The following DMTN variants were observed in gnomAD, a reference collection of about 807,000 sequenced individuals.
The protein encoded by DMTN is dematin.
Under a neutral mutation model 59.4 loss-of-function variants are expected in DMTN, and 27 were observed. That is an observed-to-expected ratio of 0.45 (90% confidence interval 0.33 to 0.63). The LOEUF (loss-of-function observed/expected upper bound fraction) is 0.63, where lower values mean the gene tolerates loss of function less well. Among genes scored for constraint, DMTN ranks in the 20% least tolerant of loss-of-function variants. The pLI is 0.02. For missense variants in DMTN, 451 were observed against 528.9 expected, an observed-to-expected ratio of 0.85 and a Z score of 1.45; for synonymous variants, 221 against 203.7, an observed-to-expected ratio of 1.08 and a Z score of -0.72.
chr8:22,058,754 A>G lies in DMTN; in HGVS notation c.-172+1618A>G, dbSNP rs1804160278. 6.6e-6 allele frequency among the ~76,000 whole-genome samples: 1 copy of G among 152,120 alleles called. No homozygotes were observed. The highest frequency in any genetic ancestry group is 1.5e-5 in the Non-Finnish European group (1 of 68,010). ...ATCCCAGCAGACACAACGGTAAAAA[A>G]CATTGGAGTAGGGGAGAGGGAGAAA... On this transcript the variant is annotated intron_variant, in intron 1 of 15. Transcript: ENST00000358242. The surrounding 1 kb of genome is among the most constrained non-coding windows in gnomAD (Gnocchi z 4.3).
chr8:22,054,514 C>G (rs897954882), upstream of DMTN, among the ~76,000 whole-genome samples: 2 of 152,152 alleles, frequency 1.3e-5, no homozygotes, highest in Non-Finnish European at 2.9e-5. Context: ...CCGGAGCAAC[C>G]CCTCTGGCCC....
rs958206420 is a variant in DMTN at position 22,060,565 on chromosome 8, G to A, written c.-172+3429G>A. On this transcript the variant is annotated intron_variant, in intron 1 of 15. Coordinates refer to ENST00000358242, the MANE Select transcript of DMTN (RefSeq NM_001387751.1). This position sits in a 1 kb window ranked among gnomAD's most constrained non-coding sequence, Gnocchi z 5.0. Reference sequence around the variant, plus strand: ...GCCTTAAGGCTAGGCCCACGTTTACGTGCAAATGCCCCACAAGGGGTAAGA... The same window carrying A: ...GCCTTAAGGCTAGGCCCACGTTTACATGCAAATGCCCCACAAGGGGTAAGA... Among the ~76,000 whole-genome samples the A allele has an allele frequency of 2.6e-5, 4 of 152,262 alleles. No individual in the cohort carries two copies. The highest frequency in any genetic ancestry group is 4.4e-5 in the Non-Finnish European group (3 of 68,054).
At position 22,081,610 on chromosome 8, in the gene DMTN, C is replaced by T. The variant is rs572110795; in HGVS notation, c.*147C>T. ...GGGGGGCCAAAACCTCTGCAGTCCC[C>T]GGCAGTGAGCTATGGACTTTCTTCC... On this transcript the variant is annotated 3_prime_UTR_variant, in exon 16 of 16. Coordinates refer to ENST00000358242, the MANE Select transcript of DMTN (RefSeq NM_001387751.1). The T allele has an allele frequency of 2.4e-5, 16 of 663,160 alleles. No individual in the cohort carries two copies. Among genetic ancestry groups the T allele is most frequent in the South Asian group, 7.2e-5 (4 of 55,408 alleles). 41.1% of individuals were successfully genotyped at this position (663,160 alleles called of 1,614,324 possible). A position where few individuals can be genotyped will look rare whatever the true frequency, so the allele number is the denominator to read the frequency against.
chr8:22,076,683 A>G (rs887231316), intron 10 of DMTN, among the ~76,000 whole-genome samples: 14 of 152,234 alleles, frequency 9.2e-5, no homozygotes, highest in African/African-American at 2.4e-4. Flanking sequence ...ACATATATAT[A>G]TAGTGACATA....
chr8:22,050,584 T>C (rs1456604917), upstream of DMTN, among the ~76,000 whole-genome samples: 1 of 145,700 alleles, frequency 6.9e-6, no homozygotes. Flanking sequence ...GGGGGCTGGC[T>C]CCAGAAAGCC....
At chr8:22,072,874 G>A (rs968025233) in intron 9 of DMTN, among the ~76,000 whole-genome samples, 3 of 152,114 alleles carry the variant, frequency 2.0e-5, no homozygotes, top group South Asian at 2.1e-4. Context: ...TTGGGGAGCC[G>A]CTTCTTGCCA....
At chr8:22,073,953 T>C in intron 10 of DMTN, 118 bp downstream of exon 10, 1 of 737,510 alleles carries the variant, frequency 1.4e-6, no homozygotes, top group Non-Finnish European at 2.3e-6. Flanking sequence ...ACGGCTGCTC[T>C]CTTGGGAGCA....
Position 22,081,350 on chromosome 8 carries a change from A to G in DMTN, c.1105A>G (p.Arg369Gly), listed in dbSNP as rs1239143369. Reference protein sequence around the residue: ...PPGVDRMRLERHLSAEDFSRV... With the variant: ...PPGVDRMRLEGHLSAEDFSRV... ...GAGCTGCCCCGATTCCCCCATGTAGAGGCATCTGTCTGCCGAGGACTTCTC... is the reference window on the plus strand; with the variant it reads ...GAGCTGCCCCGATTCCCCCATGTAGGGGCATCTGTCTGCCGAGGACTTCTC... The change falls in exon 16 of 16, where the codon AGG (arginine) becomes GGG (glycine). Residue 369 changes from arginine to glycine, a missense_variant and splice_region_variant. By Grantham distance (125) the Arg-to-Gly change is moderately radical. Transcript: ENST00000358242. 6.2e-7 allele frequency: 1 copy of G among 1,613,668 alleles called. No homozygotes were observed. Among genetic ancestry groups the G allele is most frequent in the Non-Finnish European group, 8.5e-7 (1 of 1,179,764 alleles).
rs546513634 is a variant in DMTN, at chr8:22,081,611, G to A, written c.*148G>A. 6 of 663,970 alleles carry A rather than the reference G, an allele frequency of 9.0e-6. No homozygotes were observed. Among genetic ancestry groups the A allele is most frequent in the East Asian group, 2.7e-5 (1 of 36,866 alleles). 41.1% of individuals were successfully genotyped at this position (663,970 alleles called of 1,614,324 possible). ...GGGGGCCAAAACCTCTGCAGTCCCCGGCAGTGAGCTATGGACTTTCTTCCC... is the reference window on the plus strand; with the variant it reads ...GGGGGCCAAAACCTCTGCAGTCCCCAGCAGTGAGCTATGGACTTTCTTCCC... On this transcript the variant is annotated 3_prime_UTR_variant, in exon 16 of 16. Coordinates refer to ENST00000358242, the MANE Select transcript of DMTN (RefSeq NM_001387751.1).
chr8:22,079,072 A>G (rs1016261730), intron 10 of DMTN, among the ~76,000 whole-genome samples: 3 of 150,990 alleles, frequency 2.0e-5, no homozygotes, highest in Non-Finnish European at 3.0e-5. Context: ...TGCTGGGATC[A>G]CAGGTGTGAG....
rs4872271 is a variant in DMTN, at chr8:22,081,472, A to G, written c.*9A>G. 0.17 allele frequency: 278,452 copies of G among 1,612,282 alleles called. 25,709 individuals carry two copies. The highest frequency in any genetic ancestry group is 0.24 in the Admixed American group (14,517 of 59,994). Reference sequence around the variant, plus strand: ...AGGCCTCTCTCTTCTGATGGCCCCCACCTGCTCCGGGACGGCCCCCTTACC... The same window carrying G: ...AGGCCTCTCTCTTCTGATGGCCCCCGCCTGCTCCGGGACGGCCCCCTTACC... On this transcript the variant is annotated 3_prime_UTR_variant, in exon 16 of 16. Transcript: ENST00000358242.
At chr8:22,069,242 C>A (rs887241901) in intron 5 of DMTN, 177 bp from the exon 6 acceptor site, 20 of 873,624 alleles carry the variant, frequency 2.3e-5, no homozygotes, top group Non-Finnish European at 2.8e-5. Context: ...TCAACCCTTT[C>A]TCCCTGGGCC....
chr8:22,051,040 C>A (rs1304808230), upstream of DMTN, among the ~76,000 whole-genome samples: 1 of 152,194 alleles, frequency 6.6e-6, no homozygotes, highest in African/African-American at 2.4e-5. Flanking sequence ...TCCCCCAGGT[C>A]CTCAGACCAC....
chr8:22,050,736 G>A (rs1360387904), upstream of DMTN, among the ~76,000 whole-genome samples: 10 of 152,092 alleles, frequency 6.6e-5, no homozygotes, highest in South Asian at 4.1e-4. Flanking sequence ...GGTATCCAGC[G>A]CCTGCTCCCG....
chr8:22,081,021 C>G (rs1188827999), intron 14 of DMTN, 92 bp from the exon 15 acceptor site: 1 of 1,490,864 alleles, frequency 6.7e-7, no homozygotes, highest in African/African-American at 1.4e-5. Context: ...GGCATGAACC[C>G]CAGTGGCCTC....
chr8:22,069,053 C>G lies in DMTN; in HGVS notation c.287C>G (p.Ser96Cys). 1 of 1,612,480 alleles carries G rather than the reference C, an allele frequency of 6.2e-7. No individual in the cohort carries two copies. The highest frequency in any genetic ancestry group is 1.1e-5 in the South Asian group (1 of 90,916). ...LSPKSTSPPP[S>C]PEVWADSRSP... ...CCCAAATCCACATCCCCCCCACCAT[C>G]CCCAGAGGTGAGTCTGCCCCACACC... Residue 96 changes from serine (S) to cysteine (C), a missense_variant, in exon 5 of 16, where the codon TCC (serine) becomes TGC (cysteine). Ser to Cys is a moderately radical substitution (Grantham distance 112). Coordinates refer to ENST00000358242, the MANE Select transcript of DMTN (RefSeq NM_001387751.1).
intron 1 of DMTN, among the ~76,000 whole-genome samples, chr8:22,065,635 G>C (rs1171169760): frequency 1.3e-5 from 2 of 151,960 alleles, no homozygotes; most frequent in Admixed American, 6.5e-5. Context: ...TTGAGGTCAG[G>C]AGTTCAGGAC....
chr8:22,081,007 A>C (rs762565075), intron 14 of DMTN, 106 bp from the exon 15 acceptor site: 218 of 1,475,602 alleles, frequency 1.5e-4, no homozygotes, highest in Non-Finnish European at 1.9e-4. Context: ...ACAGAGGGCA[A>C]GATGGCATGA....
upstream of DMTN, among the ~76,000 whole-genome samples, chr8:22,055,851 C>G (rs927614426): frequency 5.9e-5 from 9 of 152,034 alleles, no homozygotes; most frequent in Non-Finnish European, 1.2e-4. Context: ...TTCAGACACC[C>G]CAGAGCCCCC....
Sources: allele counts gnomAD v4.1 joint callset (sites outside exome capture counted in the v4.1 genomes callset), GRCh38; gene constraint gnomAD v4.1.1; non-coding constraint Gnocchi (gnomAD v3.1); transcripts MANE v1.5; gene names NCBI Gene and HGNC (gene_info 2026-07-23, HGNC 2026-07-21).